The following QTMAN variants were observed in gnomAD, a reference collection of about 807,000 sequenced individuals.
The protein encoded by QTMAN is tRNA-queuosine alpha-mannosyltransferase.
the QTMAN span, among the ~76,000 whole-genome samples, chr2:144,027,414 T>C: frequency 2.0e-5 from 3 of 152,172 alleles, no homozygotes; most frequent in Non-Finnish European, 4.4e-5. Flanking sequence ...CTGGGCACAA[T>C]TTTATAAAAA....
the QTMAN span, among the ~76,000 whole-genome samples, chr2:144,116,646 G>A: frequency 6.6e-6 from 1 of 152,272 alleles, no homozygotes; most frequent in East Asian, 1.9e-4. Flanking sequence ...ACCTGAGAGA[G>A]AGAGCACATG....
the QTMAN span, among the ~76,000 whole-genome samples, chr2:143,956,073 C>T: frequency 6.6e-6 from 1 of 152,174 alleles, no homozygotes; most frequent in Non-Finnish European, 1.5e-5. Context: ...TTCTAAGTGT[C>T]TCCATTTACA....
chr2:144,018,033 T>G, the QTMAN span, among the ~76,000 whole-genome samples: 5 of 152,212 alleles, frequency 3.3e-5, no homozygotes, highest in African/African-American at 1.2e-4. Context: ...TTAATTAAAT[T>G]AATATATTCC....
the QTMAN span, among the ~76,000 whole-genome samples, chr2:144,198,325 G>T: frequency 6.6e-6 from 1 of 152,112 alleles, no homozygotes; most frequent in Admixed American, 6.5e-5. Context: ...ATTCCAAAGT[G>T]ATGATGTAAT....
chr2:144,030,137 A>C, the QTMAN span, among the ~76,000 whole-genome samples: 1 of 152,208 alleles, frequency 6.6e-6, no homozygotes, highest in Non-Finnish European at 1.5e-5. Context: ...GTAGCAAATG[A>C]TTTGAATAAG....
chr2:144,038,732 T>C, the QTMAN span, among the ~76,000 whole-genome samples: 4 of 152,278 alleles, frequency 2.6e-5, no homozygotes, highest in South Asian at 4.1e-4. Context: ...TTGTATTAAA[T>C]TGATGTTGTA....
the QTMAN span, among the ~76,000 whole-genome samples, chr2:143,992,009 A>G: frequency 3.0e-4 from 46 of 152,210 alleles, no homozygotes; most frequent in South Asian, 5.0e-3. Context: ...CCCTCTGCCC[A>G]GCCACCACCC....
At chr2:144,054,378 G>A in the QTMAN span, among the ~76,000 whole-genome samples, 1 of 152,126 alleles carries the variant, frequency 6.6e-6, no homozygotes, top group Non-Finnish European at 1.5e-5. Flanking sequence ...GTAGCCCCCA[G>A]AATGTAAGAG....
the QTMAN span, chr2:143,941,925 AAC>A: frequency 6.6e-6 from 1 of 151,716 alleles, no homozygotes; most frequent in East Asian, 1.9e-4. Context: ...TTGTTTCTGT[AAC>A]ACACTTCAGC....
the QTMAN span, among the ~76,000 whole-genome samples, chr2:144,291,038 C>A: frequency 6.6e-6 from 1 of 152,166 alleles, no homozygotes; most frequent in Non-Finnish European, 1.5e-5. Context: ...TCTCTCTCAT[C>A]TTCTAGTAGC....
the QTMAN span, among the ~76,000 whole-genome samples, chr2:144,082,728 G>T: frequency 2.1e-4 from 32 of 152,182 alleles, 1 homozygote; most frequent in Non-Finnish European, 2.5e-4. Context: ...ACATAGCAAG[G>T]AAGTGGCAGA....
the QTMAN span, among the ~76,000 whole-genome samples, chr2:144,291,448 T>C: frequency 2.0e-5 from 3 of 152,234 alleles, no homozygotes; most frequent in African/African-American, 7.2e-5. Context: ...ACTCCTTCCA[T>C]ACTCAGTTCA....
the QTMAN span, among the ~76,000 whole-genome samples, chr2:144,245,687 T>C: frequency 3.9e-5 from 6 of 152,276 alleles, no homozygotes; most frequent in African/African-American, 9.6e-5. Context: ...CAAAACATCA[T>C]TCAACTTTTA....
At chr2:144,100,069 A>C in the QTMAN span, among the ~76,000 whole-genome samples, 1 of 152,250 alleles carries the variant, frequency 6.6e-6, no homozygotes, top group Non-Finnish European at 1.5e-5. Flanking sequence ...GGTACACCAC[A>C]TGCAAAAAGG....
the QTMAN span, among the ~76,000 whole-genome samples, chr2:144,289,812 A>G: frequency 1.3e-5 from 2 of 152,222 alleles, no homozygotes; most frequent in African/African-American, 4.8e-5. Flanking sequence ...CAAGAGACAC[A>G]CTTTATTTTC....
chr2:144,300,671 G>A, the QTMAN span, among the ~76,000 whole-genome samples: 79 of 152,142 alleles, frequency 5.2e-4, 1 homozygote, highest in Non-Finnish European at 9.9e-4. Context: ...CATAATATAC[G>A]AACTGTTCTG....
the QTMAN span, among the ~76,000 whole-genome samples, chr2:144,164,732 G>A: frequency 6.6e-6 from 1 of 152,060 alleles, no homozygotes; most frequent in Non-Finnish European, 1.5e-5. Context: ...ATCCAATTTG[G>A]TTAAATTTTG....
chr2:143,972,628 C>T, the QTMAN span, among the ~76,000 whole-genome samples: 5 of 152,106 alleles, frequency 3.3e-5, no homozygotes, highest in Admixed American at 6.5e-5. Context: ...ACAATCCTGC[C>T]GTATTCTTTA....
the QTMAN span, among the ~76,000 whole-genome samples, chr2:144,106,726 C>G: frequency 7.9e-5 from 12 of 152,148 alleles, no homozygotes; most frequent in South Asian, 1.5e-3. Context: ...GGATATCCAG[C>G]AATTGAACTC....
Sources: gnomAD v4.1 joint callset for allele counts (sites outside exome capture counted in the v4.1 genomes callset) on GRCh38, gnomAD v4.1.1 for gene constraint, MANE v1.5 for transcripts, NCBI Gene and HGNC (gene_info 2026-07-23, HGNC 2026-07-21) for gene names.